CATSPERB: variants seen among roughly 807,000 people sequenced by gnomAD.
CATSPERB encodes the protein cation channel sperm-associated auxiliary subunit beta.
Under a neutral mutation model 128.3 loss-of-function variants are expected in CATSPERB, and 93 were observed. The observed-to-expected ratio is 0.72, with a 90% CI of 0.61 to 0.86. The LOEUF is 0.86. Among genes scored for constraint, CATSPERB ranks in the 40% least tolerant of loss-of-function variants. The pLI, the probability that CATSPERB is intolerant of heterozygous loss-of-function variation, is 0.00. For synonymous variants in CATSPERB, 381 were observed against 448.8 expected, an observed-to-expected ratio of 0.85 and a Z score of 1.91; for missense variants, 1,153 against 1,329.5, an observed-to-expected ratio of 0.87 and a Z score of 2.06.
chr14:91,680,804 A>G (rs1895267089), intron 11 of CATSPERB, among the ~76,000 whole-genome samples: 1 of 152,178 alleles, frequency 6.6e-6, no homozygotes, highest in Non-Finnish European at 1.5e-5. Flanking sequence ...GTCCCCTACC[A>G]ACTGAACAAA....
intron 11 of CATSPERB, among the ~76,000 whole-genome samples, chr14:91,674,501 C>A (rs758071142): frequency 2.0e-5 from 3 of 151,914 alleles, no homozygotes; most frequent in Non-Finnish European, 4.4e-5. Context: ...GCAAACTTGT[C>A]TTTATATTTT....
chr14:91,666,372 C>G (rs544101705), intron 14 of CATSPERB, among the ~76,000 whole-genome samples: 3 of 152,246 alleles, frequency 2.0e-5, no homozygotes, highest in Admixed American at 1.3e-4. Flanking sequence ...TCAAGGAGAC[C>G]CGGAGGGCAA....
At chr14:91,618,440 A>G (rs1292859518) in intron 19 of CATSPERB, among the ~76,000 whole-genome samples, 22 of 152,226 alleles carry the variant, frequency 1.4e-4, no homozygotes, top group Non-Finnish European at 2.9e-5. Flanking sequence ...CGCCTCTGAC[A>G]GTTCTCAGAA....
chr14:91,726,812 C>T (rs1051560962), intron 2 of CATSPERB, among the ~76,000 whole-genome samples: 4 of 152,126 alleles, frequency 2.6e-5, no homozygotes, highest in African/African-American at 2.4e-5. Flanking sequence ...CAGATGGTCC[C>T]CTCAGAACCA....
chr14:91,654,132 G>T (rs1468829635), intron 15 of CATSPERB, among the ~76,000 whole-genome samples: 1 of 152,142 alleles, frequency 6.6e-6, no homozygotes, highest in Non-Finnish European at 1.5e-5. Flanking sequence ...GAAAAAGAGG[G>T]ATTATAGAGA....
intron 11 of CATSPERB, among the ~76,000 whole-genome samples, chr14:91,683,043 G>A (rs1442293427): frequency 2.0e-5 from 3 of 152,110 alleles, no homozygotes; most frequent in African/African-American, 7.2e-5. Context: ...ATAACGGATT[G>A]GTTTAGTCAG....
intron 19 of CATSPERB, among the ~76,000 whole-genome samples, chr14:91,620,395 A>G (rs982897436): frequency 6.6e-6 from 1 of 152,084 alleles, no homozygotes; most frequent in Non-Finnish European, 1.5e-5. Flanking sequence ...CACATCCTCC[A>G]GGGAGTCATA....
chr14:91,636,723 G>C (rs115720891), intron 16 of CATSPERB, 144 bp from the exon 17 acceptor site: 93 of 722,692 alleles, frequency 1.3e-4, no homozygotes, highest in Admixed American at 4.1e-4. Flanking sequence ...AACGTGTTCT[G>C]TTGGAACATC....
chr14:91,664,896 T>G (rs1043678429), intron 14 of CATSPERB, among the ~76,000 whole-genome samples: 3 of 152,144 alleles, frequency 2.0e-5, no homozygotes, highest in Non-Finnish European at 4.4e-5. Flanking sequence ...AAATTGATTT[T>G]TGTGTGTGTG....
chr14:91,597,695 T>C (rs1163769115), intron 22 of CATSPERB, among the ~76,000 whole-genome samples: 10 of 152,178 alleles, frequency 6.6e-5, no homozygotes, highest in Admixed American at 5.2e-4. Flanking sequence ...AGGAGTTGAA[T>C]GGCTTTAATT....
At position 91,672,865 on chromosome 14, in the gene CATSPERB, A is replaced by C; in HGVS notation, c.1128+2T>G. ...AAATTCCCTCTGGGATATAAGGCCT[A>C]CCTTGTTATAGAAGAGGTAAACTCC... is the stretch of plus-strand genomic sequence containing the variant. On this transcript the variant is annotated splice_donor_variant, in intron 13 of 26. Transcript: ENST00000256343. LOFTEE classifies it high-confidence loss of function. 2 of 1,555,572 alleles carry C rather than the reference A, an allele frequency of 1.3e-6. No individual in the cohort carries two copies. Among genetic ancestry groups the C allele is most frequent in the Non-Finnish European group, 1.7e-6 (2 of 1,163,178 alleles).
At chr14:91,717,397 T>C (rs1895961129) in intron 5 of CATSPERB, among the ~76,000 whole-genome samples, 1 of 152,222 alleles carries the variant, frequency 6.6e-6, no homozygotes, top group African/African-American at 2.4e-5. Flanking sequence ...GCAAATTATG[T>C]AGTGTAAATC....
At chr14:91,682,295 C>T (rs1430982983) in intron 11 of CATSPERB, among the ~76,000 whole-genome samples, 1 of 152,154 alleles carries the variant, frequency 6.6e-6, no homozygotes, top group African/African-American at 2.4e-5. Flanking sequence ...GCAACCAGGT[C>T]AATGTCATCT....
At chr14:91,704,487 G>A in intron 7 of CATSPERB, 65 bp downstream of exon 7, 1 of 1,499,918 alleles carries the variant, frequency 6.7e-7, no homozygotes, top group Non-Finnish European at 8.9e-7. Flanking sequence ...TCTGCTGCCA[G>A]TTAAACATTA....
At chr14:91,651,370 A>T (rs1405461681) in intron 15 of CATSPERB, among the ~76,000 whole-genome samples, 1 of 152,186 alleles carries the variant, frequency 6.6e-6, no homozygotes, top group African/African-American at 2.4e-5. Context: ...CCCTCTAAGC[A>T]AAGAGACTGT....
At chr14:91,718,726 T>A (rs1408710604) in intron 5 of CATSPERB, among the ~76,000 whole-genome samples, 2 of 152,172 alleles carry the variant, frequency 1.3e-5, no homozygotes, top group Non-Finnish European at 2.9e-5. Flanking sequence ...TTCTTGATGG[T>A]TTTCCATTTC....
At chr14:91,603,481 T>C (rs1893642993) in intron 22 of CATSPERB, 4 of 1,263,308 alleles carry the variant, frequency 3.2e-6, no homozygotes, top group Non-Finnish European at 4.6e-6. Context: ...TCCCTAAGTC[T>C]TAAAGTGTGG....
At chr14:91,695,433 G>A (rs771483664) in intron 7 of CATSPERB, among the ~76,000 whole-genome samples, 62 of 152,104 alleles carry the variant, frequency 4.1e-4, no homozygotes, top group Non-Finnish European at 1.9e-4. Flanking sequence ...CCAGCCTAAC[G>A]GTGGGATAGT....
At chr14:91,593,163 C>T (rs1162070744) in intron 22 of CATSPERB, among the ~76,000 whole-genome samples, 1 of 152,220 alleles carries the variant, frequency 6.6e-6, no homozygotes, top group African/African-American at 2.4e-5. Flanking sequence ...AAGTTTTCTG[C>T]AGGGGTGGGG....
Sources: allele counts gnomAD v4.1 joint callset (sites outside exome capture counted in the v4.1 genomes callset), GRCh38; gene constraint gnomAD v4.1.1; transcripts MANE v1.5; gene names NCBI Gene and HGNC (gene_info 2026-07-23, HGNC 2026-07-21).